Variants in DPP10 observed in about 807,000 individuals in gnomAD.
DPP10 encodes the protein inactive dipeptidyl peptidase 10.
In DPP10, 33 loss-of-function variants were observed where a neutral mutation model predicts 120.9. The observed-to-expected ratio is 0.27, with a 90% CI of 0.21 to 0.37. DPP10 has a LOEUF of 0.37. Among genes scored for constraint, DPP10 ranks in the 10% least tolerant of loss-of-function variants. The probability of loss-of-function intolerance (pLI) is 1.00; values close to 1 mark genes in which losing one functional copy is unlikely to be tolerated. For missense variants in DPP10, 816 were observed against 942.8 expected (o/e 0.87, Z 1.76); for synonymous variants, 337 against 326.1 (o/e 1.03, Z -0.36).
At position 114,720,007 on chromosome 2, in the gene DPP10, A is replaced by C. The variant is rs369038125; in HGVS notation, c.60+277169A>C. ...TCTTCCTGCGATTTGAGTTTGGTTA[A>C]TGAAAACTCAGAGGAGGAACCCAGA... is the stretch of plus-strand genomic sequence containing the variant. On this transcript the variant is annotated intron_variant, in intron 1 of 25. Transcript: ENST00000410059. Among the ~76,000 whole-genome samples, 5 of 152,196 alleles carry C rather than the reference A, an allele frequency of 3.3e-5. No individual in the cohort carries two copies. In the East Asian group the frequency reaches 9.6e-4, roughly 29 times the overall value.
intron 9 of DPP10, among the ~76,000 whole-genome samples, chr2:115,741,189 AT>A (rs1344699204): frequency 6.6e-6 from 1 of 152,100 alleles, no homozygotes; most frequent in Non-Finnish European, 1.5e-5. Context: ...CCTCAGTGAG[AT>A]TTCTCATCCA....
intron 1 of DPP10, among the ~76,000 whole-genome samples, chr2:114,580,393 A>C (rs569268764): frequency 6.6e-6 from 1 of 152,188 alleles, no homozygotes; most frequent in Non-Finnish European, 1.5e-5. Context: ...GAAACTTTTC[A>C]CTCTAGATAA....
intron 1 of DPP10, among the ~76,000 whole-genome samples, chr2:115,233,750 C>A (rs187789490): frequency 6.6e-6 from 1 of 152,166 alleles, no homozygotes; most frequent in Non-Finnish European, 1.5e-5. Flanking sequence ...CTCTTGTGGG[C>A]GTGGACAGGA....
intron 1 of DPP10, among the ~76,000 whole-genome samples, chr2:115,105,801 C>T (rs952569156): frequency 2.6e-5 from 4 of 152,204 alleles, no homozygotes; most frequent in Non-Finnish European, 5.9e-5. Flanking sequence ...TAAGCAGGCA[C>T]ATCTGATGAA....
chr2:114,780,201 A>G (rs563145103), intron 1 of DPP10, among the ~76,000 whole-genome samples: 20 of 152,292 alleles, frequency 1.3e-4, no homozygotes, highest in African/African-American at 4.6e-4. Flanking sequence ...CCTTACTCAC[A>G]GGATCAAATA....
intron 3 of DPP10, among the ~76,000 whole-genome samples, chr2:115,462,847 A>G (rs893340777): frequency 2.0e-5 from 3 of 151,900 alleles, no homozygotes; most frequent in Non-Finnish European, 4.4e-5. Context: ...CTCCCACCTC[A>G]GCCTCCCCAG....
chr2:114,770,117 A>G (rs144131679), intron 1 of DPP10, among the ~76,000 whole-genome samples: 5 of 152,286 alleles, frequency 3.3e-5, no homozygotes, highest in East Asian at 1.9e-4. Context: ...TCTAAAAGAC[A>G]AAGAGAAAAA....
At chr2:114,679,736 A>G (rs1698900908) in intron 1 of DPP10, among the ~76,000 whole-genome samples, 1 of 151,998 alleles carries the variant, frequency 6.6e-6, no homozygotes, top group Non-Finnish European at 1.5e-5. Flanking sequence ...ATTTTTGAGA[A>G]GGATTTATTA....
intron 21 of DPP10, among the ~76,000 whole-genome samples, chr2:115,819,750 T>C (rs927367126): frequency 6.6e-6 from 1 of 152,168 alleles, no homozygotes; most frequent in African/African-American, 2.4e-5. Flanking sequence ...TCCCAGCACC[T>C]TGGGAGGCCG....
intron 1 of DPP10, among the ~76,000 whole-genome samples, chr2:114,671,766 A>T (rs538725008): frequency 6.6e-6 from 1 of 152,054 alleles, no homozygotes; most frequent in African/African-American, 2.4e-5. Flanking sequence ...GTATTTTATC[A>T]GTTGTGTTGT....
intron 3 of DPP10, among the ~76,000 whole-genome samples, chr2:115,472,141 G>T (rs191436596): frequency 1.0e-3 from 156 of 152,142 alleles, no homozygotes; most frequent in African/African-American, 3.7e-3. Context: ...TATCTTTAAT[G>T]ATAATAACCC....
At chr2:115,230,119 A>G (rs1574089854) in intron 1 of DPP10, among the ~76,000 whole-genome samples, 1 of 151,520 alleles carries the variant, frequency 6.6e-6, no homozygotes, top group Non-Finnish European at 1.5e-5. Flanking sequence ...TACAGTTTTT[A>G]TTGTAGAAAT....
At chr2:115,247,017 G>T (rs1223812316) in intron 1 of DPP10, among the ~76,000 whole-genome samples, 1 of 152,098 alleles carries the variant, frequency 6.6e-6, no homozygotes, top group Non-Finnish European at 1.5e-5. Flanking sequence ...AGCTTTATTA[G>T]TAATACAGCT....
intron 1 of DPP10, among the ~76,000 whole-genome samples, chr2:114,470,589 C>T (rs1679825976): frequency 6.6e-6 from 1 of 152,110 alleles, no homozygotes; most frequent in South Asian, 2.1e-4. Flanking sequence ...TCATTTTCTC[C>T]TTAATTTTTC....
intron 3 of DPP10, among the ~76,000 whole-genome samples, chr2:115,374,609 T>C (rs891744803): frequency 1.3e-5 from 2 of 152,210 alleles, no homozygotes; most frequent in African/African-American, 4.8e-5. Flanking sequence ...GGAGAGGTTT[T>C]CCATGAGGGC....
intron 1 of DPP10, among the ~76,000 whole-genome samples, chr2:115,275,548 A>C (rs1239034376): frequency 6.6e-6 from 1 of 152,192 alleles, no homozygotes; most frequent in Non-Finnish European, 1.5e-5. Context: ...TAAGAGAAAC[A>C]GTTACTATAT....
chr2:115,125,611 G>A lies in DPP10; in HGVS notation c.61-183628G>A, dbSNP rs183739993. Among the ~76,000 whole-genome samples the A allele has an allele frequency of 3.6e-3, 459 of 128,326 alleles. 5 individuals carry two copies. The highest frequency in any genetic ancestry group is 0.011 in the Admixed American group (111 of 10,228). The allele number at this position is 128,326 out of a possible 152,430, so 84.2% of individuals were successfully genotyped here. On this transcript the variant is annotated intron_variant, in intron 1 of 25. Transcript: ENST00000410059. ...TTTGAGACAGAGTCCTCGCTCTGTC[G>A]CCCAGGCTGGAGTGCAGTGGCATGA... is the stretch of plus-strand genomic sequence containing the variant.
chr2:115,545,911 G>C (rs2079471541), intron 5 of DPP10, among the ~76,000 whole-genome samples: 1 of 152,086 alleles, frequency 6.6e-6, no homozygotes, highest in East Asian at 1.9e-4. Flanking sequence ...AGTAAAAGTA[G>C]ATGTCATGGT....
intron 3 of DPP10, 108 bp downstream of exon 3, chr2:115,344,020 C>T (rs2106261179): frequency 1.2e-6 from 1 of 834,084 alleles, no homozygotes. Context: ...CCTGTCATCC[C>T]AGCACCTTGG....
Sources: gnomAD v4.1 joint callset for allele counts (sites outside exome capture counted in the v4.1 genomes callset) on GRCh38, gnomAD v4.1.1 for gene constraint, MANE v1.5 for transcripts, NCBI Gene and HGNC (gene_info 2026-07-23, HGNC 2026-07-21) for gene names.